DTNA: variants seen among roughly 807,000 people sequenced by gnomAD.
The protein encoded by DTNA is dystrobrevin alpha.
DTNA carries 43 observed loss-of-function variants against 100.7 expected under a neutral mutation model. That is an observed-to-expected ratio of 0.43 (90% CI 0.33 to 0.55). The LOEUF is 0.55. Ranked by LOEUF, DTNA falls within the 20% of genes least tolerant of loss-of-function variation. The pLI is 0.04. For missense variants in DTNA, 798 were observed against 953.9 expected (o/e 0.84, Z 2.15); for synonymous variants, 349 against 347.9 (o/e 1.00, Z -0.04).
At chr18:34,869,714 C>T (rs2096744594) in intron 17 of DTNA, among the ~76,000 whole-genome samples, 1 of 152,132 alleles carries the variant, frequency 6.6e-6, no homozygotes. Context: ...GTACAGGGTG[C>T]ATATTTTAGT....
intron 1 of DTNA, among the ~76,000 whole-genome samples, chr18:34,685,365 A>G (rs1460772878): frequency 2.0e-5 from 3 of 152,202 alleles, no homozygotes; most frequent in African/African-American, 7.2e-5. Context: ...ATGGCTAGCC[A>G]GTTTTCCCAA....
intron 1 of DTNA, among the ~76,000 whole-genome samples, chr18:34,678,936 C>T (rs2077722560): frequency 6.6e-6 from 1 of 152,144 alleles, no homozygotes; most frequent in South Asian, 2.1e-4. Context: ...CCTTTGTAGT[C>T]CACCTTGTTG....
intron 1 of DTNA, among the ~76,000 whole-genome samples, chr18:34,517,964 C>A (rs191972397): frequency 6.6e-6 from 1 of 152,178 alleles, no homozygotes; most frequent in Admixed American, 6.6e-5. Flanking sequence ...GATAAATGCC[C>A]AACAGTGCAA....
chr18:34,676,600 T>C (rs2077426499), intron 1 of DTNA, among the ~76,000 whole-genome samples: 1 of 152,134 alleles, frequency 6.6e-6, no homozygotes, highest in Non-Finnish European at 1.5e-5. Context: ...GTTGGGAGGC[T>C]GAGGCAGGCG....
At chr18:34,655,811 A>C (rs1195740355) in intron 1 of DTNA, among the ~76,000 whole-genome samples, 2 of 152,230 alleles carry the variant, frequency 1.3e-5, no homozygotes, top group East Asian at 3.8e-4. Context: ...TGAATGGGCC[A>C]GTCCTGCCAG....
chr18:34,664,259 A>G (rs902865055), intron 1 of DTNA, among the ~76,000 whole-genome samples: 3 of 152,144 alleles, frequency 2.0e-5, no homozygotes, highest in African/African-American at 7.2e-5. Flanking sequence ...GGGATTTCCA[A>G]AAAATGTAAA....
At position 34,654,908 on chromosome 18, in the gene DTNA, G is replaced by A. The variant is rs1208788405; in HGVS notation, c.-1-101068G>A. Reference sequence around the variant, plus strand: ...CACCCAGCTTATTTTTGTATTTTTCGTAGAGACGGGATTTCACCATGTTGG... The same window carrying A: ...CACCCAGCTTATTTTTGTATTTTTCATAGAGACGGGATTTCACCATGTTGG... On this transcript the variant is annotated intron_variant, in intron 1 of 19. Coordinates refer to the DTNA transcript ENST00000283365. Among the ~76,000 whole-genome samples, 13 of 151,996 alleles carry A rather than the reference G, an allele frequency of 8.6e-5. No homozygotes were observed. The South Asian group carries it at 1.5e-3, about 17-fold the overall frequency.
intron 2 of DTNA, among the ~76,000 whole-genome samples, chr18:34,756,999 C>T (rs1002296589): frequency 6.6e-6 from 1 of 152,090 alleles, no homozygotes; most frequent in Admixed American, 6.5e-5. Context: ...AGGGTCAGAA[C>T]AGAAAAAGGA....
intron 9 of DTNA, chr18:34,822,381 C>CCT (rs2149469680): frequency 6.6e-6 from 1 of 152,310 alleles, no homozygotes; most frequent in Non-Finnish European, 1.5e-5. Flanking sequence ...TGAGCTCTGC[C>CCT]GAGAGTAATT....
Position 34,726,232 on chromosome 18 carries a change from A to C in DTNA, c.-2+15787A>C, listed in dbSNP as rs1364669782. ...TGCACATTGTGCACATATACCCCAG[A>C]ACTTAAAGTATAATAATTTAAAAAA... is the stretch of plus-strand genomic sequence containing the variant. On this transcript the variant is annotated intron_variant, in intron 1 of 22. Coordinates refer to ENST00000444659, the MANE Select transcript of DTNA (RefSeq NM_001386795.1). 2.6e-5 allele frequency among the ~76,000 whole-genome samples: 4 copies of C among 152,252 alleles called. No individual in the cohort carries two copies. In the South Asian group the frequency reaches 8.3e-4, roughly 32 times the overall value.
In DTNA at chr18:34,874,477, G is replaced by A. The variant is rs9956235; in HGVS notation, c.1744-762G>A. ...TCAGAATAGTTTCATGCCAAAAACT[G>A]TAGTGCAAAGATAAGTTCCTTCAGT... On this transcript the variant is annotated intron_variant, in intron 17 of 22. Transcript: ENST00000444659. Among the ~76,000 whole-genome samples the A allele has an allele frequency of 9.8e-3, 1,488 of 152,302 alleles. 32 individuals are homozygous for A. The highest frequency in any genetic ancestry group is 0.034 in the African/African-American group (1,427 of 41,562).
intron 1 of DTNA, among the ~76,000 whole-genome samples, chr18:34,702,930 A>ATAT (rs1421499650): frequency 6.6e-6 from 1 of 152,238 alleles, no homozygotes; most frequent in Admixed American, 6.5e-5. Flanking sequence ...TGGTAACTAT[A>ATAT]AAGATGTTGA....
At chr18:34,651,566 A>T (rs1246104398) in intron 1 of DTNA, among the ~76,000 whole-genome samples, 1 of 152,228 alleles carries the variant, frequency 6.6e-6, no homozygotes, top group Non-Finnish European at 1.5e-5. Flanking sequence ...CTTAATTAAT[A>T]TTCCAGGCAT....
intron 22 of DTNA, among the ~76,000 whole-genome samples, chr18:34,887,424 G>A (rs370713763): frequency 1.2e-4 from 18 of 152,230 alleles, no homozygotes; most frequent in Admixed American, 4.6e-4. Context: ...AAAAACCAAC[G>A]TGGCAGCCTA....
At chr18:34,766,335 A>G (rs560513004) in intron 3 of DTNA, among the ~76,000 whole-genome samples, 1 of 152,270 alleles carries the variant, frequency 6.6e-6, no homozygotes, top group East Asian at 1.9e-4. Flanking sequence ...TTAAATCTGG[A>G]TGGATGTTTT....
intron 9 of DTNA, among the ~76,000 whole-genome samples, chr18:34,827,148 G>A (rs2095876647): frequency 6.6e-6 from 1 of 152,274 alleles, no homozygotes. Context: ...AGGCATGTTG[G>A]AGAGGCCCAT....
intron 1 of DTNA, among the ~76,000 whole-genome samples, chr18:34,614,945 A>G (rs1410477205): frequency 3.9e-5 from 6 of 152,248 alleles, no homozygotes; most frequent in African/African-American, 1.4e-4. Context: ...CACAGTACAG[A>G]GAAGTCTTTC....
intron 1 of DTNA, among the ~76,000 whole-genome samples, chr18:34,675,275 G>T (rs2077264672): frequency 6.6e-6 from 1 of 151,776 alleles, no homozygotes; most frequent in Non-Finnish European, 1.5e-5. Context: ...TCCAAACATT[G>T]TCATATGTCC....
intron 1 of DTNA, among the ~76,000 whole-genome samples, chr18:34,700,099 C>T (rs1007921259): frequency 6.6e-6 from 1 of 152,166 alleles, no homozygotes; most frequent in East Asian, 1.9e-4. Context: ...GAGAAAAGAG[C>T]TTAACTTTGA....
Sources: allele counts gnomAD v4.1 joint callset (sites outside exome capture counted in the v4.1 genomes callset), GRCh38; gene constraint gnomAD v4.1.1; transcripts MANE v1.5; gene names NCBI Gene and HGNC (gene_info 2026-07-23, HGNC 2026-07-21).